Variants in DPP10 observed in about 807,000 individuals in gnomAD.
DPP10 encodes inactive dipeptidyl peptidase 10.
In DPP10, 33 loss-of-function variants were observed where a neutral mutation model predicts 120.9. The ratio of observed to expected loss-of-function variants is 0.27; its 90% CI spans 0.21 to 0.37. The LOEUF is 0.37. Among genes scored for constraint, DPP10 ranks in the 10% least tolerant of loss-of-function variants. The pLI is 1.00. For synonymous variants in DPP10, 337 were observed against 326.1 expected, an observed-to-expected ratio of 1.03 and a Z score of -0.36; for missense variants, 816 against 942.8, an observed-to-expected ratio of 0.87 and a Z score of 1.76.
At chr2:115,514,516 T>G (rs1328032477) in intron 4 of DPP10, among the ~76,000 whole-genome samples, 2 of 151,752 alleles carry the variant, frequency 1.3e-5, no homozygotes. Context: ...AATATTACTC[T>G]CAGGGTTTTC....
rs565494563 is a variant in DPP10, at chr2:115,675,932, C to T, written c.442-13755C>T. Among the ~76,000 whole-genome samples the T allele has an allele frequency of 8.5e-5, 13 of 152,246 alleles. No homozygotes were observed. In the East Asian group the frequency reaches 1.4e-3, roughly 16 times the overall value. ...ATCCATTCAGAGGGTTGCAGTGTTG[C>T]GCCACCAGCTGGACCCAATAGTTCA... On this transcript the variant is annotated intron_variant, in intron 5 of 25. Coordinates refer to ENST00000410059, the MANE Select transcript of DPP10 (RefSeq NM_020868.6).
chr2:115,041,156 C>A (rs192918332), intron 1 of DPP10, among the ~76,000 whole-genome samples: 21 of 151,882 alleles, frequency 1.4e-4, no homozygotes, highest in Admixed American at 1.4e-3. Flanking sequence ...TGAGTTCTCC[C>A]CAGCCATGCT....
At chr2:114,991,316 A>C (rs1700743347) in intron 1 of DPP10, among the ~76,000 whole-genome samples, 2 of 152,212 alleles carry the variant, frequency 1.3e-5, no homozygotes. Context: ...GTTCAGGAGG[A>C]TCCACACCAG....
chr2:114,933,425 A>G (rs1696228829), intron 1 of DPP10, among the ~76,000 whole-genome samples: 2 of 152,246 alleles, frequency 1.3e-5, no homozygotes, highest in African/African-American at 4.8e-5. Flanking sequence ...GGTAAAAAGT[A>G]GAACTGTCCT....
At chr2:115,431,145 G>C (rs531537653) in intron 3 of DPP10, among the ~76,000 whole-genome samples, 1 of 152,178 alleles carries the variant, frequency 6.6e-6, no homozygotes, top group Admixed American at 6.6e-5. Context: ...TCGCGAAAGC[G>C]AAGGGATCCA....
At chr2:114,533,182 T>A (rs776059062) in intron 1 of DPP10, among the ~76,000 whole-genome samples, 6 of 152,172 alleles carry the variant, frequency 3.9e-5, no homozygotes, top group Non-Finnish European at 7.4e-5. Context: ...CATCTGACTC[T>A]TGGGGTGCAT....
intron 1 of DPP10, among the ~76,000 whole-genome samples, chr2:115,049,331 C>T (rs1705298218): frequency 6.6e-6 from 1 of 152,082 alleles, no homozygotes; most frequent in Admixed American, 6.6e-5. Flanking sequence ...ATACACGCCA[C>T]TCTTAATTGC....
At chr2:115,369,964 C>T (rs1232723872) in intron 3 of DPP10, among the ~76,000 whole-genome samples, 1 of 152,028 alleles carries the variant, frequency 6.6e-6, no homozygotes, top group Non-Finnish European at 1.5e-5. Context: ...GATCAGTTTT[C>T]AGATTTGACT....
At chr2:115,149,288 A>G (rs1243108248) in intron 1 of DPP10, among the ~76,000 whole-genome samples, 3 of 152,188 alleles carry the variant, frequency 2.0e-5, no homozygotes, top group Non-Finnish European at 4.4e-5. Context: ...CTCTAATTCT[A>G]TCCATTATTT....
At chr2:114,670,663 T>G (rs1403194056) in intron 1 of DPP10, among the ~76,000 whole-genome samples, 1 of 152,212 alleles carries the variant, frequency 6.6e-6, no homozygotes, top group Non-Finnish European at 1.5e-5. Flanking sequence ...ACATGCACCC[T>G]AAAACTTAAA....
intron 3 of DPP10, among the ~76,000 whole-genome samples, chr2:115,452,571 A>G (rs925550458): frequency 2.0e-5 from 3 of 151,940 alleles, no homozygotes; most frequent in Admixed American, 1.3e-4. Context: ...TTCTGCTTGC[A>G]AGGTATCTGT....
chr2:115,103,643 A>G (rs1165046305), intron 1 of DPP10, among the ~76,000 whole-genome samples: 1 of 152,232 alleles, frequency 6.6e-6, no homozygotes, highest in Non-Finnish European at 1.5e-5. Context: ...TTTTTAATGG[A>G]GAAAGCCTAA....
intron 1 of DPP10, among the ~76,000 whole-genome samples, chr2:114,680,306 A>G (rs1698943484): frequency 6.6e-6 from 1 of 152,030 alleles, no homozygotes; most frequent in East Asian, 1.9e-4. Flanking sequence ...ACTCTAAACT[A>G]CAGAGCCATT....
intron 7 of DPP10, among the ~76,000 whole-genome samples, chr2:115,705,836 G>A (rs2092081874): frequency 1.3e-5 from 2 of 151,640 alleles, no homozygotes; most frequent in South Asian, 4.2e-4. Flanking sequence ...TTACCACATT[G>A]TAGTATTGCC....
chr2:114,619,063 G>T (rs1364334144), intron 1 of DPP10, among the ~76,000 whole-genome samples: 2 of 151,972 alleles, frequency 1.3e-5, no homozygotes, highest in Non-Finnish European at 2.9e-5. Flanking sequence ...GTTGTGAAAT[G>T]TTGACAGGAA....
chr2:115,046,649 T>G (rs1705094003), intron 1 of DPP10, among the ~76,000 whole-genome samples: 1 of 152,104 alleles, frequency 6.6e-6, no homozygotes, highest in South Asian at 2.1e-4. Flanking sequence ...ATAGGGGACA[T>G]CTGGAAAATA....
chr2:115,535,557 G>A (rs1243033357), intron 5 of DPP10, among the ~76,000 whole-genome samples: 3 of 150,794 alleles, frequency 2.0e-5, no homozygotes, highest in Admixed American at 2.0e-4. Context: ...GATGCCTCCA[G>A]CTTTGTTCTT....
chr2:115,049,172 G>A (rs956719276), intron 1 of DPP10, among the ~76,000 whole-genome samples: 1 of 151,902 alleles, frequency 6.6e-6, no homozygotes, highest in Non-Finnish European at 1.5e-5. Context: ...CCTTTAAAAT[G>A]TCTTTAAAAT....
intron 1 of DPP10, among the ~76,000 whole-genome samples, chr2:115,092,195 A>G (rs995063059): frequency 6.6e-6 from 1 of 152,180 alleles, no homozygotes; most frequent in East Asian, 1.9e-4. Flanking sequence ...TTTGACTCCA[A>G]TGACTATATT....
Sources: allele counts gnomAD v4.1 joint callset (sites outside exome capture counted in the v4.1 genomes callset), GRCh38; gene constraint gnomAD v4.1.1; transcripts MANE v1.5; gene names NCBI Gene and HGNC (gene_info 2026-07-23, HGNC 2026-07-21).